The following PEPD variants were observed in gnomAD, a reference collection of about 807,000 sequenced individuals.
The protein encoded by PEPD is peptidase D.
A neutral mutation model predicts 60.7 loss-of-function variants in PEPD; 53 were observed. The ratio of observed to expected loss-of-function variants is 0.87; its 90% confidence interval spans 0.70 to 1.10. The LOEUF (loss-of-function observed/expected upper bound fraction) is 1.10, where lower values mean the gene tolerates loss of function less well. Ranked by LOEUF, PEPD falls within the 50% of genes least tolerant of loss-of-function variation. The pLI is 0.00. For missense variants in PEPD, 711 were observed against 711.9 expected (o/e 1.00, Z 0.01); for synonymous variants, 267 against 284.1 (o/e 0.94, Z 0.60).
intron 9 of PEPD, among the ~76,000 whole-genome samples, chr19:33,454,915 A>G (rs570206056): frequency 6.6e-6 from 1 of 152,328 alleles, no homozygotes; most frequent in South Asian, 2.1e-4. Flanking sequence ...CCTTCCCAGT[A>G]ACTCATAACT....
At chr19:33,521,134 T>G (rs1027996435) in intron 1 of PEPD, among the ~76,000 whole-genome samples, 4 of 152,218 alleles carry the variant, frequency 2.6e-5, no homozygotes, top group African/African-American at 9.7e-5. Flanking sequence ...ATGGAGCACC[T>G]ACTGTGTGCA....
chr19:33,484,761 G>GACAC (rs72083881), intron 6 of PEPD, among the ~76,000 whole-genome samples: 2 of 151,432 alleles, frequency 1.3e-5, no homozygotes, highest in African/African-American at 4.9e-5. Flanking sequence ...TACACAGATA[G>GACAC]ACACACACAC....
intron 2 of PEPD, 49 bp downstream of exon 2, chr19:33,512,544 G>A: frequency 6.4e-7 from 1 of 1,572,786 alleles, no homozygotes; most frequent in Non-Finnish European, 8.7e-7. Context: ...GCTCAGGACA[G>A]CAGCACCATC....
chr19:33,400,534 G>A (rs746980806), intron 12 of PEPD, among the ~76,000 whole-genome samples: 7 of 152,362 alleles, frequency 4.6e-5, no homozygotes, highest in East Asian at 3.9e-4. Flanking sequence ...GCCCCTCTGC[G>A]CTGCAGGCTG....
At chr19:33,411,931 C>A (rs989907401) in intron 10 of PEPD, among the ~76,000 whole-genome samples, 182 bp from the exon 11 acceptor site, 1 of 152,238 alleles carries the variant, frequency 6.6e-6, no homozygotes, top group Non-Finnish European at 1.5e-5. Flanking sequence ...GGCCCTGTCA[C>A]CCCGCAGTCA....
intron 9 of PEPD, among the ~76,000 whole-genome samples, chr19:33,421,533 C>T (rs28416893): frequency 0.013 from 1,911 of 152,274 alleles, 44 homozygotes; most frequent in African/African-American, 0.044. Context: ...CTCTGTTGCT[C>T]AGGCTGGAGT....
At chr19:33,398,900 T>A (rs920504610) in intron 12 of PEPD, among the ~76,000 whole-genome samples, 2 of 152,174 alleles carry the variant, frequency 1.3e-5, no homozygotes, top group African/African-American at 4.8e-5. Flanking sequence ...AAGGGCCCGC[T>A]GGCCATACCC....
chr19:33,445,283 C>A (rs1969571258), intron 9 of PEPD, among the ~76,000 whole-genome samples: 1 of 152,198 alleles, frequency 6.6e-6, no homozygotes, highest in South Asian at 2.1e-4. Flanking sequence ...AGATAAGGCA[C>A]CAGGCCTCGT....
At chr19:33,468,327 G>A (rs1568486820) in intron 7 of PEPD, among the ~76,000 whole-genome samples, 1 of 152,254 alleles carries the variant, frequency 6.6e-6, no homozygotes, top group South Asian at 2.1e-4. Flanking sequence ...TGGAGTGTCT[G>A]AGGATGCAGA....
intron 7 of PEPD, among the ~76,000 whole-genome samples, chr19:33,472,416 G>A (rs993510914): frequency 9.2e-5 from 14 of 152,182 alleles, no homozygotes; most frequent in Non-Finnish European, 2.1e-4. Flanking sequence ...CAGCCTCACA[G>A]AGAGTCCCCA....
In PEPD at chr19:33,432,274, G is replaced by GA. The variant is rs144375777; in HGVS notation, c.672-18632dup. Among the ~76,000 whole-genome samples, 428 of 152,308 alleles carry GA rather than the reference G, an allele frequency of 2.8e-3. 1 individual carries two copies. Among genetic ancestry groups the GA allele is most frequent in the African/African-American group, 9.9e-3 (410 of 41,578 alleles). The stretch of plus-strand genomic sequence containing the variant: ...GGAGCCCACTTAGCCTTCTTCTCTG[G>GA]AATCAGATTCTTTGGCAAAACCTCT... On this transcript the variant is annotated intron_variant, in intron 9 of 14. Coordinates refer to ENST00000244137, the MANE Select transcript of PEPD (RefSeq NM_000285.4).
intron 4 of PEPD, among the ~76,000 whole-genome samples, chr19:33,496,858 G>A (rs1246886684): frequency 6.6e-6 from 1 of 152,326 alleles, no homozygotes; most frequent in East Asian, 1.9e-4. Context: ...GACACCTCCT[G>A]CACTTTCCTA....
chr19:33,492,421 T>C (rs993911004), intron 5 of PEPD, among the ~76,000 whole-genome samples: 4 of 152,202 alleles, frequency 2.6e-5, no homozygotes, highest in African/African-American at 9.7e-5. Context: ...TGGGTAGATA[T>C]TAGGTGTATA....
intron 5 of PEPD, 151 bp downstream of exon 5, chr19:33,493,139 G>T: frequency 4.4e-6 from 3 of 678,846 alleles, no homozygotes; most frequent in Non-Finnish European, 8.1e-6. Flanking sequence ...GCCTCTCAAG[G>T]CACTTGGATA....
intron 3 of PEPD, among the ~76,000 whole-genome samples, chr19:33,505,774 TCA>T (rs972288059): frequency 2.2e-4 from 23 of 106,900 alleles, no homozygotes; most frequent in African/African-American, 8.0e-4. Context: ...CATTATTTAC[TCA>T]CACACCCACA....
intron 9 of PEPD, among the ~76,000 whole-genome samples, chr19:33,417,326 G>A (rs574818258): frequency 2.0e-5 from 3 of 152,350 alleles, no homozygotes; most frequent in East Asian, 1.9e-4. Context: ...AATGCGCAGA[G>A]CTGGTGGAGC....
chr19:33,406,629 T>C (rs964957762), intron 11 of PEPD, among the ~76,000 whole-genome samples: 2 of 151,972 alleles, frequency 1.3e-5, no homozygotes, highest in African/African-American at 2.4e-5. Context: ...CACCAAAGCA[T>C]TGGGCCCCAG....
chr19:33,517,018 C>T (rs866881610), intron 1 of PEPD, among the ~76,000 whole-genome samples: 1 of 151,620 alleles, frequency 6.6e-6, no homozygotes, highest in Non-Finnish European at 1.5e-5. Flanking sequence ...CCATCTCTAC[C>T]GAAAACACAA....
At chr19:33,503,052 C>T (rs986320872) in intron 3 of PEPD, among the ~76,000 whole-genome samples, 10 of 152,074 alleles carry the variant, frequency 6.6e-5, no homozygotes, top group African/African-American at 2.2e-4. Flanking sequence ...ATGAACTTCA[C>T]GAGTGAGCTC....
Sources: gnomAD v4.1 joint callset for allele counts (sites outside exome capture counted in the v4.1 genomes callset) on GRCh38, gnomAD v4.1.1 for gene constraint, MANE v1.5 for transcripts, NCBI Gene and HGNC (gene_info 2026-07-23, HGNC 2026-07-21) for gene names.